Variants in LTBP1 observed in about 807,000 individuals in gnomAD.
LTBP1 encodes the protein latent transforming growth factor beta binding protein 1.
Under a neutral mutation model 207.6 loss-of-function variants are expected in LTBP1, and 129 were observed. The observed-to-expected ratio is 0.62, with a 90% CI of 0.54 to 0.72. LTBP1 has a LOEUF of 0.72. Ranked by LOEUF, LTBP1 falls within the 30% of genes least tolerant of loss-of-function variation. LTBP1 has a pLI of 0.00. For synonymous variants in LTBP1, 963 were observed against 833.7 expected (o/e 1.16, Z -2.67); for missense variants, 2,281 against 2,217.2 (o/e 1.03, Z -0.58).
intron 3 of LTBP1, among the ~76,000 whole-genome samples, chr2:33,025,241 A>G (rs2075362679): frequency 6.6e-6 from 1 of 152,234 alleles, no homozygotes; most frequent in Admixed American, 6.5e-5. Flanking sequence ...GGGTAGAAGT[A>G]TGCTGCACTG....
chr2:33,158,148 CAAAA>C (rs59789805), intron 5 of LTBP1, among the ~76,000 whole-genome samples: 2 of 113,896 alleles, frequency 1.8e-5, no homozygotes, highest in South Asian at 6.0e-4. Context: ...AAAAAAAAAA[CAAAA>C]AAAAAAAAAA....
intron 2 of LTBP1, among the ~76,000 whole-genome samples, chr2:32,978,489 A>T (rs1305958952): frequency 2.6e-5 from 4 of 151,994 alleles, no homozygotes; most frequent in Admixed American, 2.6e-4. Flanking sequence ...CATTCTGTTG[A>T]TATGATGTAT....
intron 7 of LTBP1, among the ~76,000 whole-genome samples, chr2:33,199,828 A>G (rs1380759950): frequency 1.3e-5 from 2 of 152,152 alleles, no homozygotes; most frequent in Non-Finnish European, 1.5e-5. Flanking sequence ...TTATACACCA[A>G]TAACAGACAA....
At position 33,000,164 on chromosome 2, in the gene LTBP1, T is replaced by C. The variant is rs1189277637; in HGVS notation, c.566-20745T>C. Among the ~76,000 whole-genome samples, 2 of 135,430 alleles carry C rather than the reference T, an allele frequency of 1.5e-5. 1 individual carries two copies. The highest frequency in any genetic ancestry group is 3.3e-5 in the Non-Finnish European group (2 of 61,486). The allele number at this position is 135,430 out of a possible 152,430, so 88.8% of individuals were successfully genotyped here. A position where few individuals can be genotyped will look rare whatever the true frequency, so the allele number is the denominator to read the frequency against. ...TGATCTGGCTGATTCTCAGAATTACTTGGAGAAACTAAAAAGTACAGGGCT... is the reference window on the plus strand; with the variant it reads ...TGATCTGGCTGATTCTCAGAATTACCTGGAGAAACTAAAAAGTACAGGGCT... On this transcript the variant is annotated intron_variant, in intron 2 of 33. Coordinates refer to ENST00000404816, the MANE Select transcript of LTBP1 (RefSeq NM_206943.4).
intron 3 of LTBP1, among the ~76,000 whole-genome samples, chr2:33,101,301 T>A (rs2079720482): frequency 6.6e-6 from 1 of 152,224 alleles, no homozygotes; most frequent in Admixed American, 6.5e-5. Flanking sequence ...AAGTAAGCTT[T>A]GCTTTTTTCT....
chr2:33,398,570 C>T lies in LTBP1; in HGVS notation c.*25C>T. The T allele has an allele frequency of 6.2e-7, 1 of 1,605,790 alleles. No homozygotes were observed. Among genetic ancestry groups the T allele is most frequent in the Non-Finnish European group, 8.5e-7 (1 of 1,174,774 alleles). ...AAACAGAATCTACATAACCTAAGCC[C>T]ATATACTCTGCACTGTGTAAAGGAA... On this transcript the variant is annotated 3_prime_UTR_variant, in exon 34 of 34. Coordinates refer to ENST00000404816, the MANE Select transcript of LTBP1 (RefSeq NM_206943.4).
intron 2 of LTBP1, among the ~76,000 whole-genome samples, chr2:32,949,343 AG>A (rs757080185): frequency 2.3e-4 from 35 of 152,302 alleles, no homozygotes; most frequent in Admixed American, 7.2e-4. Flanking sequence ...GGGCTTGGGG[AG>A]TAGAGGGCCC....
At chr2:33,253,088 A>G (rs568753459) in intron 11 of LTBP1, among the ~76,000 whole-genome samples, 10 of 152,296 alleles carry the variant, frequency 6.6e-5, no homozygotes, top group African/African-American at 2.4e-4. Context: ...AAGAAAAGCC[A>G]TTATATTTTA....
chr2:32,965,367 C>T (rs938146052), intron 2 of LTBP1, among the ~76,000 whole-genome samples: 1 of 152,158 alleles, frequency 6.6e-6, no homozygotes, highest in African/African-American at 2.4e-5. Context: ...TATTAGGGTT[C>T]ACTCTTGGTG....
chr2:33,017,754 C>T (rs1366989282), intron 2 of LTBP1, among the ~76,000 whole-genome samples: 2 of 152,098 alleles, frequency 1.3e-5, no homozygotes, highest in African/African-American at 4.8e-5. Context: ...GTAGCTGGGA[C>T]TAAAGGCACC....
At chr2:33,326,410 A>G (rs574717923) in intron 24 of LTBP1, among the ~76,000 whole-genome samples, 38 of 152,276 alleles carry the variant, frequency 2.5e-4, no homozygotes, top group Admixed American at 2.2e-3. Flanking sequence ...TGTTTGAAAC[A>G]AACCACTTTC....
At chr2:33,003,001 C>A (rs963068020) in intron 2 of LTBP1, among the ~76,000 whole-genome samples, 1 of 152,118 alleles carries the variant, frequency 6.6e-6, no homozygotes, top group Admixed American at 6.5e-5. Flanking sequence ...TTGGAAACAT[C>A]GCATTCGATT....
At chr2:33,380,963 G>C (rs2095207118) in intron 31 of LTBP1, among the ~76,000 whole-genome samples, 1 of 152,172 alleles carries the variant, frequency 6.6e-6, no homozygotes, top group Non-Finnish European at 1.5e-5. Flanking sequence ...TTGCTTCAGA[G>C]TGGTATTTAA....
intron 20 of LTBP1, among the ~76,000 whole-genome samples, chr2:33,293,850 A>T (rs1369801278): frequency 1.3e-5 from 2 of 152,060 alleles, no homozygotes; most frequent in African/African-American, 4.8e-5. Flanking sequence ...TTTACATTCC[A>T]TTCATAACTT....
At chr2:33,120,066 G>T (rs977034885) in intron 4 of LTBP1, among the ~76,000 whole-genome samples, 4 of 150,464 alleles carry the variant, frequency 2.7e-5, no homozygotes, top group Non-Finnish European at 4.5e-5. Flanking sequence ...AGAGGTAGTT[G>T]CAGTATGGTT....
intron 4 of LTBP1, among the ~76,000 whole-genome samples, chr2:33,131,842 AT>A (rs914220566): frequency 6.6e-6 from 1 of 151,802 alleles, no homozygotes; most frequent in Non-Finnish European, 1.5e-5. Flanking sequence ...GCCAAAAGAA[AT>A]TTTTTTTTGG....
At chr2:32,990,690 C>T (rs1684273009) in intron 2 of LTBP1, among the ~76,000 whole-genome samples, 1 of 152,062 alleles carries the variant, frequency 6.6e-6, no homozygotes, top group African/African-American at 2.4e-5. Context: ...TTCAGATTAC[C>T]TGTTTTGCAC....
In LTBP1 at chr2:33,389,202, G is replaced by C. The variant is rs1172520177; in HGVS notation, c.4730G>C (p.Cys1577Ser). Residue 1577 changes from cysteine to serine, a missense_variant, in exon 32 of 34, where the codon TGT becomes TCT. Cys to Ser is a moderately radical substitution (Grantham distance 112). Coordinates refer to ENST00000404816, the MANE Select transcript of LTBP1 (RefSeq NM_206943.4). ...TCCTTAGATGACTATGCTCAGCTGT[G>C]TAACATCCCCGTGACGGGACGCCGG... Reference protein sequence around the residue: ...LKDSDDYAQLCNIPVTGRRQP... With the variant: ...LKDSDDYAQLSNIPVTGRRQP... The C allele has an allele frequency of 6.2e-7, 1 of 1,614,164 alleles. No homozygotes were observed. The highest frequency in any genetic ancestry group is 8.5e-7 in the Non-Finnish European group (1 of 1,180,022).
chr2:33,091,477 C>A (rs926343841), intron 3 of LTBP1, among the ~76,000 whole-genome samples: 12 of 152,154 alleles, frequency 7.9e-5, no homozygotes, highest in African/African-American at 2.7e-4. Context: ...GAGGTTCCTA[C>A]GTAAGGCGGT....
Sources: gnomAD v4.1 joint callset for allele counts (sites outside exome capture counted in the v4.1 genomes callset) on GRCh38, gnomAD v4.1.1 for gene constraint, MANE v1.5 for transcripts, NCBI Gene and HGNC (gene_info 2026-07-23, HGNC 2026-07-21) for gene names.